The following VWA8 variants were observed in gnomAD, a reference collection of about 807,000 sequenced individuals.
VWA8 encodes von Willebrand factor A domain containing 8, also known as von Willebrand factor A domain-containing protein 8.
Under a neutral mutation model 241.5 loss-of-function variants are expected in VWA8, and 221 were observed. The observed-to-expected ratio is 0.91, with a 90% CI of 0.82 to 1.02. The LOEUF is 1.02. Among genes scored for constraint, VWA8 ranks in the 50% least tolerant of loss-of-function variants. The probability of loss-of-function intolerance (pLI) is 0.00; values close to 1 mark genes in which losing one functional copy is unlikely to be tolerated. For synonymous variants in VWA8, 852 were observed against 827.1 expected, an observed-to-expected ratio of 1.03 and a Z score of -0.52; for missense variants, 2,322 against 2,328.7, an observed-to-expected ratio of 1.00 and a Z score of 0.06.
In VWA8 at chr13:41,866,028, G is replaced by A. The variant is rs373089896; in HGVS notation, c.1221C>T (p.Ala407=). ...AAGGTTGACTTAATAGCCTGGTCCC[G>A]GCTGGCACCTATAATTAAAGAGAGG... The part of the protein sequence containing the change: ...ADKEVTIKVP[A]GTRLLSQPCA... The change falls in exon 11 of 45, where the codon GCC becomes GCT. Residue 407 remains alanine, a synonymous_variant. Transcript: ENST00000379310. 39 of 1,613,774 alleles carry A rather than the reference G, an allele frequency of 2.4e-5. No individual in the cohort carries two copies. Among genetic ancestry groups the A allele is most frequent in the Non-Finnish European group, 3.0e-5 (35 of 1,179,856 alleles).
intron 37 of VWA8, among the ~76,000 whole-genome samples, chr13:41,661,824 A>T (rs147815394): frequency 6.6e-6 from 1 of 152,170 alleles, no homozygotes; most frequent in Non-Finnish European, 1.5e-5. Flanking sequence ...TTATTTGCAT[A>T]TTGAAAAATC....
chr13:41,750,896 A>G (rs1360888779), intron 21 of VWA8, among the ~76,000 whole-genome samples: 1 of 152,032 alleles, frequency 6.6e-6, no homozygotes, highest in Non-Finnish European at 1.5e-5. Context: ...TAAAAAAAAA[A>G]AAAAACTCAA....
At chr13:41,824,260 A>G (rs956681326) in intron 14 of VWA8, among the ~76,000 whole-genome samples, 1 of 152,214 alleles carries the variant, frequency 6.6e-6, no homozygotes. Flanking sequence ...CAAGGCAGGC[A>G]TGTGTAGATA....
At chr13:41,789,101 T>C (rs1016843910) in intron 17 of VWA8, among the ~76,000 whole-genome samples, 8 of 152,124 alleles carry the variant, frequency 5.3e-5, no homozygotes, top group Non-Finnish European at 7.4e-5. Context: ...ACCAAGGAAG[T>C]TGAAATATAT....
At chr13:41,868,276 AC>A in intron 10 of VWA8, 69 bp downstream of exon 10, 1 of 1,580,648 alleles carries the variant, frequency 6.3e-7, no homozygotes, top group Admixed American at 1.7e-5. Flanking sequence ...GAGATCATAA[AC>A]CCAATTTAGG....
chr13:41,890,889 T>C (rs186676386), intron 5 of VWA8, among the ~76,000 whole-genome samples: 217 of 152,176 alleles, frequency 1.4e-3, no homozygotes, highest in African/African-American at 4.9e-3. Flanking sequence ...AAGCAGGGAG[T>C]GCAGTTAGGA....
chr13:41,787,638 T>C, intron 17 of VWA8, 95 bp from the exon 18 acceptor site: 1 of 376,822 alleles, frequency 2.7e-6, no homozygotes, highest in Non-Finnish European at 4.5e-6. Flanking sequence ...ACACACACAC[T>C]CCTTACTAAT....
intron 40 of VWA8, among the ~76,000 whole-genome samples, chr13:41,597,182 G>A (rs1390317363): frequency 6.6e-6 from 1 of 152,074 alleles, no homozygotes; most frequent in East Asian, 1.9e-4. Flanking sequence ...CCTGTGAACA[G>A]CGATTCTCTT....
chr13:41,641,707 A>C (rs190236732), intron 37 of VWA8, among the ~76,000 whole-genome samples: 6 of 152,098 alleles, frequency 3.9e-5, no homozygotes, highest in Non-Finnish European at 7.4e-5. Context: ...CAACCAGAGG[A>C]TCTTAGGTAG....
At chr13:41,653,413 C>T (rs147347011) in intron 37 of VWA8, among the ~76,000 whole-genome samples, 31 of 152,178 alleles carry the variant, frequency 2.0e-4, no homozygotes, top group African/African-American at 6.0e-4. Context: ...TCAGAGATAA[C>T]GCAGACAAAT....
chr13:41,635,880 C>A (rs1322907527), intron 37 of VWA8, among the ~76,000 whole-genome samples: 1 of 152,074 alleles, frequency 6.6e-6, no homozygotes, highest in Non-Finnish European at 1.5e-5. Context: ...CAGGGGGGTG[C>A]TGAGTTAGAA....
chr13:41,590,889 A>G, intron 40 of VWA8, 124 bp from the exon 41 acceptor site: 1 of 1,220,396 alleles, frequency 8.2e-7, no homozygotes, highest in Non-Finnish European at 1.2e-6. Flanking sequence ...TTCTGCATGA[A>G]CACAGTCATA....
At chr13:41,671,257 C>T (rs2045021443) in intron 36 of VWA8, 110 bp from the exon 37 acceptor site, 7 of 1,192,604 alleles carry the variant, frequency 5.9e-6, no homozygotes, top group African/African-American at 4.5e-5. Flanking sequence ...TCACACTACT[C>T]ATTATTTTAT....
intron 9 of VWA8, among the ~76,000 whole-genome samples, chr13:41,875,019 G>C (rs1873831780): frequency 6.6e-6 from 1 of 152,060 alleles, no homozygotes; most frequent in South Asian, 2.1e-4. Flanking sequence ...TATCTATTTG[G>C]CTCACTCCAA....
At chr13:41,849,185 T>C (rs1469205487) in intron 12 of VWA8, among the ~76,000 whole-genome samples, 2 of 152,204 alleles carry the variant, frequency 1.3e-5, no homozygotes, top group Non-Finnish European at 2.9e-5. Context: ...GAAAGTGATG[T>C]GGATCCTGAA....
At chr13:41,836,116 A>G (rs530890905) in intron 12 of VWA8, among the ~76,000 whole-genome samples, 2 of 152,354 alleles carry the variant, frequency 1.3e-5, no homozygotes, top group African/African-American at 2.4e-5. Flanking sequence ...CTGCTTAAAA[A>G]GATATTAAAT....
chr13:41,633,508 G>C (rs575214007), intron 37 of VWA8, among the ~76,000 whole-genome samples: 41 of 152,320 alleles, frequency 2.7e-4, no homozygotes, highest in African/African-American at 9.6e-4. Context: ...ACTTATGGGG[G>C]CAAGTTAGAA....
At chr13:41,869,631 CAAAAAAAAAAAAAAAAA>C (rs532296102) in intron 9 of VWA8, among the ~76,000 whole-genome samples, 5 of 40,270 alleles carry the variant, frequency 1.2e-4, no homozygotes, top group African/African-American at 5.1e-4. Flanking sequence ...AACTTTGTCT[CAAAAAAAAAAAAAAAAA>C]AAAAAAAAAA....
chr13:41,833,184 T>A (rs1871545851), intron 13 of VWA8, among the ~76,000 whole-genome samples, 187 bp downstream of exon 13: 1 of 152,160 alleles, frequency 6.6e-6, no homozygotes, highest in East Asian at 1.9e-4. Context: ...TGTTCATTAT[T>A]TGGAGTTTTA....
Sources: gnomAD v4.1 joint callset for allele counts (sites outside exome capture counted in the v4.1 genomes callset) on GRCh38, gnomAD v4.1.1 for gene constraint, MANE v1.5 for transcripts, NCBI Gene and HGNC (gene_info 2026-07-23, HGNC 2026-07-21) for gene names.